The following OSCAR variants were observed in gnomAD, a reference collection of about 807,000 sequenced individuals.
OSCAR encodes the protein osteoclast associated Ig-like receptor.
Under a neutral mutation model 27.3 loss-of-function variants are expected in OSCAR, and 25 were observed. The ratio of observed to expected loss-of-function variants is 0.92; its 90% CI spans 0.67 to 1.28. The LOEUF (loss-of-function observed/expected upper bound fraction) is 1.28. Ranked by LOEUF, OSCAR falls within the 50% of genes most tolerant of loss-of-function variation. The pLI is 0.00. For synonymous variants in OSCAR, 158 were observed against 165.7 expected (o/e 0.95, Z 0.36); for missense variants, 354 against 355.1 (o/e 1.00, Z 0.03).
rs2072947281 is a variant in OSCAR at position 54,099,763 on chromosome 19, C to G, written c.55G>C (p.Asp19His). The G allele has an allele frequency of 6.2e-7, 1 of 1,612,986 alleles. No individual in the cohort carries two copies. The highest frequency in any genetic ancestry group is 8.5e-7 in the Non-Finnish European group (1 of 1,179,774). Residue 19 changes from aspartate to histidine, a missense_variant, in exon 2 of 5, where the codon GAC becomes CAC. Transcript: ENST00000358375. ...GGCTACTCACCAGACGGAGTGATGT[C>G]TGTGTGACACAGAGGCCCTGTAGGA... ...LLTLWPLCHT[D>H]ITPSVPPASY...
Position 54,099,453 on chromosome 19 carries a change from TTA to T in OSCAR, c.70+293_70+294del, listed in dbSNP as rs587676077. ...TGATGAGATCTCACAGCGGCCCATT[TTA>T]CAGAGAAGGAAATGGAGTCTTAGCA... On this transcript the variant is annotated intron_variant, in intron 2 of 4. Transcript: ENST00000358375. 2.4e-4 allele frequency: 217 copies of T among 911,030 alleles called. 1 individual carries two copies. In the African/African-American group the frequency reaches 3.0e-3, roughly 12 times the overall value. The allele number at this position is 911,030 out of a possible 1,614,324, so 56.4% of individuals were successfully genotyped here.
chr19:54,095,536 G>A (rs1486811161), intron 4 of OSCAR, 179 bp from the exon 5 acceptor site: 4 of 1,365,980 alleles, frequency 2.9e-6, no homozygotes, highest in Non-Finnish European at 3.8e-6. Context: ...CTGGGGCCTG[G>A]ACTGCTGGAT....
chr19:54,098,995 A>G (rs2072889925), intron 2 of OSCAR, among the ~76,000 whole-genome samples: 2 of 151,954 alleles, frequency 1.3e-5, no homozygotes, highest in Admixed American at 1.3e-4. Context: ...ATAAATAAAT[A>G]AATAAATAAA....
chr19:54,099,722 G>A, intron 2 of OSCAR, 26 bp downstream of exon 2: 3 of 1,613,902 alleles, frequency 1.9e-6, no homozygotes, highest in Non-Finnish European at 2.5e-6. Context: ...AGCAACAAAA[G>A]GAGAGTGGAT....
Position 54,096,923 on chromosome 19 carries a change from C to G in OSCAR, c.312G>C (p.Arg104Ser). ...QGGSYRCCYR[R>S]PDWGPGVWSQ... ...ACCAGACACCCGGCCCCCAGTCTGG[C>G]CTTCGGTAGCAGCAGCGGTAACTTC... Residue 104 changes from arginine (R) to serine (S), a missense_variant, in exon 3 of 5, where the codon AGG (arginine) becomes AGC (serine). Physicochemically the swap from Arg to Ser is moderately radical, Grantham distance 110. Transcript: ENST00000358375. 1 of 1,614,162 alleles carries G rather than the reference C, an allele frequency of 6.2e-7. No homozygotes were observed. The highest frequency in any genetic ancestry group is 8.5e-7 in the Non-Finnish European group (1 of 1,180,020).
chr19:54,095,955 C>G lies in OSCAR; in HGVS notation c.572G>C (p.Gly191Ala), dbSNP rs1335574041. ...CGTGTGATAGTAGCAGCTGTAGGTG[C>G]CGGGGGCGCGGGCGCCCAGCAGCGT... ...DFTLLGARAPGTYSCYYHTPS... is the reference protein window; with the variant it reads ...DFTLLGARAPATYSCYYHTPS... The change falls in exon 4 of 5, where the codon GGC becomes GCC. Residue 191 changes from glycine to alanine, a missense_variant. Physicochemically the swap from Gly to Ala is moderately conservative, Grantham distance 60 (BLOSUM62 0). Coordinates refer to ENST00000358375, the MANE Select transcript of OSCAR (RefSeq NM_133169.6). 3.1e-6 allele frequency: 5 copies of G among 1,590,634 alleles called. No homozygotes were observed. The highest frequency in any genetic ancestry group is 4.3e-6 in the Non-Finnish European group (5 of 1,169,340).
Position 54,095,172 on chromosome 19 carries a change from C to T in OSCAR, c.*49G>A. 9 of 1,586,578 alleles carry T rather than the reference C, an allele frequency of 5.7e-6. No individual in the cohort carries two copies. The highest frequency in any genetic ancestry group is 7.7e-6 in the Non-Finnish European group (9 of 1,166,052). On this transcript the variant is annotated 3_prime_UTR_variant, in exon 5 of 5. Transcript: ENST00000358375. ...AGGACAGTCCAGCCCAGGGTCCCAG[C>T]TTCTCCGCCACTCAGGTTGGAAGTC...
intron 1 of OSCAR, among the ~76,000 whole-genome samples, 174 bp from the exon 2 acceptor site, chr19:54,099,954 A>C (rs2072961535): frequency 6.6e-6 from 1 of 152,042 alleles, no homozygotes; most frequent in African/African-American, 2.4e-5. Context: ...CTGGGACTAC[A>C]AGTGCCCGCC....
chr19:54,100,194 A>G (rs938750499), intron 1 of OSCAR, among the ~76,000 whole-genome samples: 1 of 152,076 alleles, frequency 6.6e-6, no homozygotes, highest in African/African-American at 2.4e-5. Flanking sequence ...CCCAGCTCCT[A>G]TCTCCTCTGG....
At position 54,100,630 on chromosome 19, in the gene OSCAR, C is replaced by T; in HGVS notation, c.37+126G>A. 1.2e-5 allele frequency: 13 copies of T among 1,050,012 alleles called. No homozygotes were observed. In the South Asian group the frequency reaches 1.8e-4, roughly 14 times the overall value. 65.0% of individuals were successfully genotyped at this position (1,050,012 alleles called of 1,614,324 possible). ...CAGGGGTCTGGGCCCCAGCCCTGTT[C>T]TTTATTTGAACCTAGAATCCCAAAC... On this transcript the variant is annotated intron_variant, in intron 1 of 4. Coordinates refer to ENST00000358375, the MANE Select transcript of OSCAR (RefSeq NM_133169.6).
chr19:54,095,265 C>G lies in OSCAR; in HGVS notation c.748G>C (p.Asp250His). 1 of 1,608,150 alleles carries G rather than the reference C, an allele frequency of 6.2e-7. No homozygotes were observed. Among genetic ancestry groups the G allele is most frequent in the South Asian group, 1.1e-5 (1 of 89,786 alleles). Reference sequence around the variant, plus strand: ...GGAGCGCGGTTCTGACTGCGCCAGTCAAAAGTGACCAGCGCGCCCAGGGAG... The same window carrying G: ...GGAGCGCGGTTCTGACTGCGCCAGTGAAAAGTGACCAGCGCGCCCAGGGAG... Reference protein sequence around the residue: ...LISLGALVTFDWRSQNRAPAG... With the variant: ...LISLGALVTFHWRSQNRAPAG... Residue 250 changes from aspartate (D) to histidine (H), a missense_variant, in exon 5 of 5, where the codon GAC (aspartate) becomes CAC (histidine). Transcript: ENST00000358375.
intron 3 of OSCAR, 110 bp downstream of exon 3, chr19:54,096,752 C>T: frequency 1.7e-6 from 2 of 1,207,832 alleles, no homozygotes; most frequent in Non-Finnish European, 2.3e-6. Flanking sequence ...TTTCTTGTGT[C>T]TGTGAATCTG....
intron 2 of OSCAR, among the ~76,000 whole-genome samples, chr19:54,097,947 T>G (rs2072840646): frequency 6.6e-6 from 1 of 152,096 alleles, no homozygotes; most frequent in South Asian, 2.1e-4. Flanking sequence ...CAATATAGTA[T>G]TTCAAGAGTT....
At chr19:54,095,467 G>C in intron 4 of OSCAR, 110 bp from the exon 5 acceptor site, 1 of 1,460,534 alleles carries the variant, frequency 6.8e-7, no homozygotes, top group Non-Finnish European at 9.0e-7. Context: ...TGACTCTACA[G>C]TCTCAAAGTT....
At chr19:54,097,267 CT>C (rs759335692) in intron 2 of OSCAR, 103 bp from the exon 3 acceptor site, 151 of 1,168,796 alleles carry the variant, frequency 1.3e-4, no homozygotes, top group Non-Finnish European at 1.8e-4. Flanking sequence ...ATTACTGCCC[CT>C]TTCTTAGCCT....
In OSCAR at chr19:54,096,867, AC is replaced by A; in HGVS notation, c.367del (p.Val123Ter). 1 of 1,612,508 alleles carries A rather than the reference AC, an allele frequency of 6.2e-7. No individual in the cohort carries two copies. Among genetic ancestry groups the A allele is most frequent in the Non-Finnish European group, 8.5e-7 (1 of 1,179,202 alleles). ...CCCCGACCCCAGGACCTCACCTGTC[AC>A]CAGCAGCTCCAGGACATCGCTGGGC... ...SQPSDVLELL[V>X]TEELPRPSLV... On this transcript the variant is annotated frameshift_variant, in exon 3 of 5. Coordinates refer to ENST00000358375, the MANE Select transcript of OSCAR (RefSeq NM_133169.6). LOFTEE classifies it high-confidence loss of function.
chr19:54,099,688 C>G, intron 2 of OSCAR, 60 bp downstream of exon 2: 2 of 1,613,750 alleles, frequency 1.2e-6, no homozygotes, highest in Non-Finnish European at 1.7e-6. Flanking sequence ...AAAATAAAAT[C>G]TGAGTAATTG....
intron 3 of OSCAR, among the ~76,000 whole-genome samples, 158 bp downstream of exon 3, chr19:54,096,703 CT>C (rs201279831): frequency 6.7e-6 from 1 of 148,226 alleles, no homozygotes; most frequent in African/African-American, 2.6e-5. Flanking sequence ...CTCTGCTCCC[CT>C]GTCTCTCTCT....
At chr19:54,098,852 G>A (rs182765412) in intron 2 of OSCAR, among the ~76,000 whole-genome samples, 129 of 151,506 alleles carry the variant, frequency 8.5e-4, no homozygotes, top group African/African-American at 2.9e-3. Flanking sequence ...CGGGCATTGT[G>A]GTGTGTGCCT....
Sources: allele counts gnomAD v4.1 joint callset (sites outside exome capture counted in the v4.1 genomes callset), GRCh38; gene constraint gnomAD v4.1.1; transcripts MANE v1.5; gene names NCBI Gene and HGNC (gene_info 2026-07-23, HGNC 2026-07-21).